FAM222A: variants seen among roughly 807,000 people sequenced by gnomAD.
The protein encoded by FAM222A is protein FAM222A.
In FAM222A, 7 loss-of-function variants were observed where a neutral mutation model predicts 25.8. The ratio of observed to expected loss-of-function variants is 0.27; its 90% CI spans 0.15 to 0.51. The LOEUF (loss-of-function observed/expected upper bound fraction) is 0.51, where lower values mean the gene tolerates loss of function less well. Ranked by LOEUF, FAM222A falls within the 20% of genes least tolerant of loss-of-function variation. FAM222A has a pLI of 0.97. For missense variants in FAM222A, 573 were observed against 640.5 expected, an observed-to-expected ratio of 0.89 and a Z score of 1.14; for synonymous variants, 294 against 298.8, an observed-to-expected ratio of 0.98 and a Z score of 0.17.
At chr12:109,756,133 GT>G (rs1233480617) in intron 2 of FAM222A, among the ~76,000 whole-genome samples, 1 of 152,162 alleles carries the variant, frequency 6.6e-6, no homozygotes, top group Non-Finnish European at 1.5e-5. Context: ...ATGTTTTGTA[GT>G]TTACAGATTT....
chr12:109,764,760 A>G (rs962148859), intron 2 of FAM222A, among the ~76,000 whole-genome samples: 3 of 152,198 alleles, frequency 2.0e-5, no homozygotes, highest in Non-Finnish European at 2.9e-5. Flanking sequence ...CTGCTGATTT[A>G]TGGCTGGTAA....
chr12:109,768,079 C>G lies in FAM222A; in HGVS notation c.150C>G (p.Ala50=). 7.4e-6 allele frequency: 12 copies of G among 1,613,854 alleles called. No individual in the cohort carries two copies. The highest frequency in any genetic ancestry group is 1.0e-5 in the Non-Finnish European group (12 of 1,180,018). ...GCCCAGCAGAACTGGACGCCTATGC[C>G]GAGAAGGTGGCCAACAGCCCGCTGT... is the stretch of plus-strand genomic sequence containing the variant. ...YPSPAELDAY[A]EKVANSPLSI... The change falls in exon 3 of 3, where the codon GCC becomes GCG. Residue 50 remains alanine, a synonymous_variant. Transcript: ENST00000538780.
Position 109,769,429 on chromosome 12 carries a change from G to T in FAM222A, c.*141G>T. ...CCACAGGGGAGCCAGGCTGGCTGCC[G>T]CCTCGCTGTGGCCGGATGGAGGGTG... On this transcript the variant is annotated 3_prime_UTR_variant, in exon 3 of 3. Transcript: ENST00000538780. The T allele has an allele frequency of 2.8e-6, 3 of 1,079,948 alleles. No homozygotes were observed. Among genetic ancestry groups the T allele is most frequent in the Non-Finnish European group, 3.9e-6 (3 of 774,884 alleles). The allele number at this position is 1,079,948 out of a possible 1,614,324, so 66.9% of individuals were successfully genotyped here. A position where few individuals can be genotyped will look rare whatever the true frequency, so the allele number is the denominator to read the frequency against.
At chr12:109,716,100 C>T (rs1428498302) in intron 1 of FAM222A, among the ~76,000 whole-genome samples, 14 of 152,180 alleles carry the variant, frequency 9.2e-5, no homozygotes, top group African/African-American at 2.7e-4. Context: ...AAGTGAATGG[C>T]GGGCAAGTGA....
intron 1 of FAM222A, among the ~76,000 whole-genome samples, chr12:109,740,934 C>T (rs1274854282): frequency 2.6e-5 from 4 of 152,128 alleles, no homozygotes; most frequent in South Asian, 2.1e-4. Context: ...ATCAGGGTCA[C>T]GGTGCCGTAG....
At chr12:109,753,432 G>A (rs1156299354) in intron 2 of FAM222A, among the ~76,000 whole-genome samples, 2 of 152,142 alleles carry the variant, frequency 1.3e-5, no homozygotes, top group East Asian at 1.9e-4. Flanking sequence ...GGGTGTGTAT[G>A]TATGGTCTTG....
intron 1 of FAM222A, among the ~76,000 whole-genome samples, chr12:109,725,018 A>G (rs535161705): frequency 1.3e-5 from 2 of 152,192 alleles, no homozygotes; most frequent in South Asian, 4.2e-4. Flanking sequence ...AGGTGGGGGA[A>G]ACTGAGGCTC....
chr12:109,767,049 T>G (rs1181036618), intron 2 of FAM222A, among the ~76,000 whole-genome samples: 1 of 145,394 alleles, frequency 6.9e-6, no homozygotes, highest in Non-Finnish European at 1.5e-5. Context: ...GCATGCACCA[T>G]AATGCTTGGC....
chr12:109,743,828 T>C (rs1888311963), intron 1 of FAM222A: 1 of 985,090 alleles, frequency 1.0e-6, no homozygotes, highest in African/African-American at 1.7e-5. Context: ...CCAGAGCAGA[T>C]GACCCAGATG....
rs150780008 is a variant in FAM222A at position 109,718,551 on chromosome 12, C to T, written c.-47+3654C>T. 8.1e-4 allele frequency among the ~76,000 whole-genome samples: 124 copies of T among 152,346 alleles called. 1 individual carries two copies. Among genetic ancestry groups the T allele is most frequent in the African/African-American group, 3.0e-3 (123 of 41,574 alleles). ...ACAAAAGGGCCGCTTTATTACCTCCCGCGGGCCGGGAATTGCTGCTCTCTC... is the reference window on the plus strand; with the variant it reads ...ACAAAAGGGCCGCTTTATTACCTCCTGCGGGCCGGGAATTGCTGCTCTCTC... On this transcript the variant is annotated intron_variant, in intron 1 of 2. Transcript: ENST00000538780.
chr12:109,762,176 T>C (rs992822304), intron 2 of FAM222A, among the ~76,000 whole-genome samples: 6 of 152,248 alleles, frequency 3.9e-5, no homozygotes, highest in South Asian at 4.1e-4. Flanking sequence ...TTCTGGTTAC[T>C]GTAGCTGTGT....
chr12:109,758,251 C>A lies in FAM222A; in HGVS notation c.83-9761C>A, dbSNP rs143912743. Among the ~76,000 whole-genome samples the A allele has an allele frequency of 9.1e-4, 138 of 152,284 alleles. 1 individual carries two copies. Among genetic ancestry groups the A allele is most frequent in the Non-Finnish European group, 4.6e-4 (31 of 68,020 alleles). On this transcript the variant is annotated intron_variant, in intron 2 of 2. Transcript: ENST00000538780. ...ATGTTAGAGAATGAGAGGCAGGGTC[C>A]TTTGTACAGGGCCCATTGTTCGCTG...
chr12:109,769,413 AGCCAGGCTGGCTGCC>A lies in FAM222A; in HGVS notation c.*129_*143del. 4 of 1,248,420 alleles carry A rather than the reference AGCCAGGCTGGCTGCC, an allele frequency of 3.2e-6. No individual in the cohort carries two copies. The highest frequency in any genetic ancestry group is 3.2e-6 in the Non-Finnish European group (3 of 926,296). The allele number at this position is 1,248,420 out of a possible 1,614,324, so 77.3% of individuals were successfully genotyped here. ...CTGTGCCTGCTGATGCCCACAGGGGAGCCAGGCTGGCTGCCGCCTCGCTGTGGCCGGATGGAGGGT... is the reference window on the plus strand; with the variant it reads ...CTGTGCCTGCTGATGCCCACAGGGGAGCCTCGCTGTGGCCGGATGGAGGGT... On this transcript the variant is annotated 3_prime_UTR_variant, in exon 3 of 3. Coordinates refer to ENST00000538780, the MANE Select transcript of FAM222A (RefSeq NM_032829.3).
In FAM222A at chr12:109,715,625, C is replaced by G. The variant is rs149835944; in HGVS notation, c.-47+728C>G. Among the ~76,000 whole-genome samples the G allele has an allele frequency of 2.3e-3, 355 of 152,278 alleles. 2 individuals carry two copies. Among genetic ancestry groups the G allele is most frequent in the Admixed American group, 7.2e-3 (110 of 15,304 alleles). ...CCATTGCAGTCCTCTGACCTAAATCCTTAGCGCCCCATAAGGTGGGGGAGG... is the reference window on the plus strand; with the variant it reads ...CCATTGCAGTCCTCTGACCTAAATCGTTAGCGCCCCATAAGGTGGGGGAGG... On this transcript the variant is annotated intron_variant, in intron 1 of 2. Coordinates refer to ENST00000538780, the MANE Select transcript of FAM222A (RefSeq NM_032829.3).
At chr12:109,735,760 T>A (rs1238174478) in intron 1 of FAM222A, 1 of 152,238 alleles carries the variant, frequency 6.6e-6, no homozygotes, top group East Asian at 1.9e-4. Context: ...ACAGCCCCAT[T>A]ATGACATCGT....
At chr12:109,760,224 G>A (rs889936226) in intron 2 of FAM222A, among the ~76,000 whole-genome samples, 6 of 152,192 alleles carry the variant, frequency 3.9e-5, no homozygotes, top group Admixed American at 3.3e-4. Flanking sequence ...GTGACTCACA[G>A]ATGAGGCCCT....
intron 1 of FAM222A, among the ~76,000 whole-genome samples, chr12:109,726,946 C>T (rs140056485): frequency 2.5e-4 from 38 of 152,310 alleles, no homozygotes; most frequent in African/African-American, 8.9e-4. Flanking sequence ...GGTGTGCTAT[C>T]GTCATGGTCC....
chr12:109,720,565 C>T (rs914929055), intron 1 of FAM222A, among the ~76,000 whole-genome samples: 3 of 152,246 alleles, frequency 2.0e-5, no homozygotes, highest in African/African-American at 7.2e-5. Context: ...GGCCAAGGGA[C>T]CACCTTAGAG....
Position 109,769,125 on chromosome 12 carries a change from C to T in FAM222A, c.1196C>T (p.Thr399Ile). Reference protein sequence around the residue: ...SGLPSKSVCNTSVLSSSLQSL... With the variant: ...SGLPSKSVCNISVLSSSLQSL... ...CTGCCCAGCAAGAGTGTGTGCAACACATCGGTGCTGAGCAGCAGCCTGCAG... is the reference window on the plus strand; with the variant it reads ...CTGCCCAGCAAGAGTGTGTGCAACATATCGGTGCTGAGCAGCAGCCTGCAG... The change falls in exon 3 of 3, where the codon ACA (threonine) becomes ATA (isoleucine). Residue 399 changes from threonine to isoleucine, a missense_variant. Thr to Ile is a moderately conservative substitution (Grantham distance 89). Transcript: ENST00000538780. The T allele has an allele frequency of 1.9e-6, 3 of 1,612,088 alleles. No homozygotes were observed. The East Asian group carries it at 6.7e-5, about 36-fold the overall frequency.
Sources: allele counts gnomAD v4.1 joint callset (sites outside exome capture counted in the v4.1 genomes callset), GRCh38; gene constraint gnomAD v4.1.1; transcripts MANE v1.5; gene names NCBI Gene and HGNC (gene_info 2026-07-23, HGNC 2026-07-21).